Variants in FAM120B observed in about 807,000 individuals in gnomAD.
FAM120B encodes the protein constitutive coactivator of peroxisome proliferator-activated receptor gamma.
In FAM120B, 83 loss-of-function variants were observed where a neutral mutation model predicts 96.3. The observed-to-expected ratio is 0.86, with a 90% confidence interval of 0.72 to 1.03. The LOEUF (loss-of-function observed/expected upper bound fraction) is 1.03, where lower values mean the gene tolerates loss of function less well. Among genes scored for constraint, FAM120B ranks in the 50% least tolerant of loss-of-function variants. The pLI, the probability that FAM120B is intolerant of heterozygous loss-of-function variation, is 0.00. For missense variants in FAM120B, 1,027 were observed against 1,121.2 expected (o/e 0.92, Z 1.20); for synonymous variants, 407 against 402.7 (o/e 1.01, Z -0.13).
At position 170,295,964 on chromosome 6, in the gene FAM120B, G is replaced by C. The variant is rs932515471; in HGVS notation, c.48+511G>C. 4.0e-5 allele frequency among the ~76,000 whole-genome samples: 6 copies of C among 151,836 alleles called. No individual in the cohort carries two copies. The highest frequency in any genetic ancestry group is 6.9e-3 in the Middle Eastern group (2 of 290). On this transcript the variant is annotated intron_variant, in intron 1 of 10. Transcript: ENST00000537664. The surrounding 1 kb of genome is among the most constrained non-coding windows in gnomAD (Gnocchi z 7.8). ...GCGGCCCCGGCGCAGATGACGGCTCGGCAGCGGGCCCCCGCCCCCTCCTCT... is the reference window on the plus strand; with the variant it reads ...GCGGCCCCGGCGCAGATGACGGCTCCGCAGCGGGCCCCCGCCCCCTCCTCT...
intron 2 of FAM120B, among the ~76,000 whole-genome samples, chr6:170,321,789 G>C (rs1323478190): frequency 6.6e-6 from 1 of 152,116 alleles, no homozygotes; most frequent in Admixed American, 6.5e-5. Flanking sequence ...CCTGGGAGCC[G>C]GGCACGTTTT....
intron 1 of FAM120B, among the ~76,000 whole-genome samples, chr6:170,301,427 G>A (rs1374544788): frequency 6.6e-6 from 1 of 152,236 alleles, no homozygotes; most frequent in East Asian, 1.9e-4. Flanking sequence ...CCTGTAATGG[G>A]AGGGGCTGCC....
Position 170,335,307 on chromosome 6 carries a change from G to A in FAM120B, c.2017+4757G>A, listed in dbSNP as rs530171241. On this transcript the variant is annotated intron_variant, in intron 4 of 10. Transcript: ENST00000476287. ...CCACTTATGAGTGAGAACATGCGGT[G>A]TTTGGTTTTCTATTCTTGTGTTAGT... is the stretch of plus-strand genomic sequence containing the variant. Among the ~76,000 whole-genome samples, 5 of 152,068 alleles carry A rather than the reference G, an allele frequency of 3.3e-5. No homozygotes were observed. The South Asian group carries it at 1.0e-3, about 32-fold the overall frequency.
At chr6:170,369,279 G>A (rs750237575) in intron 6 of FAM120B, among the ~76,000 whole-genome samples, 4 of 152,206 alleles carry the variant, frequency 2.6e-5, no homozygotes, top group Non-Finnish European at 5.9e-5. Context: ...AGAGAGAAGA[G>A]AGGTTTGTGG....
intron 1 of FAM120B, among the ~76,000 whole-genome samples, chr6:170,297,310 T>C (rs1032922973): frequency 6.6e-6 from 1 of 152,068 alleles, no homozygotes; most frequent in Non-Finnish European, 1.5e-5. Flanking sequence ...GCGCCGTGCT[T>C]CCCCGCCGCC....
chr6:170,359,126 T>G (rs1386220480), intron 6 of FAM120B, among the ~76,000 whole-genome samples: 1 of 152,170 alleles, frequency 6.6e-6, no homozygotes, highest in African/African-American at 2.4e-5. Flanking sequence ...TTAGGCCGGG[T>G]GCAGTGGCTC....
Position 170,401,312 on chromosome 6 carries a change from G to A in FAM120B, c.2693-3238G>A, listed in dbSNP as rs181594992. Reference sequence around the variant, plus strand: ...GGGGCAGGCTGAGCTAAGCCTGAGGGGTCTCCAAGTGGCATTCAGCAGCTG... The same window carrying A: ...GGGGCAGGCTGAGCTAAGCCTGAGGAGTCTCCAAGTGGCATTCAGCAGCTG... On this transcript the variant is annotated intron_variant, in intron 9 of 10. Transcript: ENST00000476287. Among the ~76,000 whole-genome samples the A allele has an allele frequency of 1.2e-3, 187 of 152,286 alleles. 1 individual carries two copies. The highest frequency in any genetic ancestry group is 4.2e-3 in the African/African-American group (176 of 41,556).
chr6:170,314,877 T>C (rs1029311163), intron 1 of FAM120B, among the ~76,000 whole-genome samples: 3 of 152,226 alleles, frequency 2.0e-5, no homozygotes, highest in Admixed American at 6.5e-5. Context: ...GTAAGTAGTA[T>C]AGAAGAGCAC....
chr6:170,406,012 T>C lies in FAM120B; in HGVS notation c.*1261T>C, dbSNP rs1778790196. On this transcript the variant is annotated 3_prime_UTR_variant, in exon 11 of 11. Coordinates refer to ENST00000476287, the MANE Select transcript of FAM120B (RefSeq NM_032448.3). Reference sequence around the variant, plus strand: ...TCTCTGAGCATTGAAGGACTTTTGGTTAAAAAAAAAAATTAAGTTCAGAGT... The same window carrying C: ...TCTCTGAGCATTGAAGGACTTTTGGCTAAAAAAAAAAATTAAGTTCAGAGT... The C allele has an allele frequency of 7.1e-6, 1 of 141,622 alleles. No individual in the cohort carries two copies. The highest frequency in any genetic ancestry group is 1.6e-5 in the Non-Finnish European group (1 of 62,064). The allele number at this position is 141,622 out of a possible 1,614,324, so 8.8% of individuals were successfully genotyped here.
chr6:170,376,799 T>G lies in FAM120B; in HGVS notation c.2284-11488T>G, dbSNP rs956501955. Among the ~76,000 whole-genome samples the G allele has an allele frequency of 2.1e-4, 32 of 152,190 alleles. 1 individual carries two copies. Among genetic ancestry groups the G allele is most frequent in the Non-Finnish European group, 2.5e-4 (17 of 68,024 alleles). On this transcript the variant is annotated intron_variant, in intron 6 of 10. Coordinates refer to ENST00000476287, the MANE Select transcript of FAM120B (RefSeq NM_032448.3). ...ATGGAGAGGAAGGAGGAGCGCCTGC[T>G]TGGTAAGAAATAGAAGTCTGAGTGC...
chr6:170,404,567 C>T lies in FAM120B; in HGVS notation c.2710C>T (p.His904Tyr). The T allele has an allele frequency of 6.2e-7, 1 of 1,613,968 alleles. No homozygotes were observed. The highest frequency in any genetic ancestry group is 8.5e-7 in the Non-Finnish European group (1 of 1,179,882). ...DQGPGSRQYE[H>Y]DQWRRY is the part of the protein sequence containing the mutation. Reference sequence around the variant, plus strand: ...TACTGCAGGAAGCAGACAGTATGAGCATGACCAGTGGAGAAGGTACTAGTC... The same window carrying T: ...TACTGCAGGAAGCAGACAGTATGAGTATGACCAGTGGAGAAGGTACTAGTC... The change falls in exon 10 of 11, where the codon CAT (histidine) becomes TAT (tyrosine). Residue 904 changes from histidine (H) to tyrosine (Y), a missense_variant. Around this residue, in one of 3 missense-constraint regions of FAM120B, gnomAD observed 142 missense variants for 122.5 expected, o/e 1.16. Transcript: ENST00000476287.
At chr6:170,299,890 CATG>C (rs1187240788) in intron 1 of FAM120B, among the ~76,000 whole-genome samples, 1 of 152,238 alleles carries the variant, frequency 6.6e-6, no homozygotes, top group African/African-American at 2.4e-5. Flanking sequence ...TTCCTGACTG[CATG>C]ATGTCTGCAG....
chr6:170,334,596 G>GGT (rs1345760673), intron 4 of FAM120B, among the ~76,000 whole-genome samples: 1 of 151,632 alleles, frequency 6.6e-6, no homozygotes, highest in Non-Finnish European at 1.5e-5. Context: ...AAGGAAGCTG[G>GGT]GTGTGTGTGT....
rs1233730865 is a variant in FAM120B, at chr6:170,318,848, A to G, written c.1458A>G (p.Leu486=). Residue 486 remains leucine (L), a synonymous_variant, in exon 2 of 11, where the codon TTA becomes TTG. Coordinates refer to ENST00000476287, the MANE Select transcript of FAM120B (RefSeq NM_032448.3). ...GCCCTGAATCCAGGCAAGAAGTTTT[A>G]ATACGGACAGACCCTGAATCTAGGC... ...YTGPESRQEV[L]IRTDPESRQE... is the part of the protein sequence containing the mutation. 2 of 1,614,198 alleles carry G rather than the reference A, an allele frequency of 1.2e-6. No homozygotes were observed. Among genetic ancestry groups the G allele is most frequent in the Non-Finnish European group, 1.7e-6 (2 of 1,180,046 alleles).
intron 6 of FAM120B, among the ~76,000 whole-genome samples, chr6:170,384,536 T>C (rs767017232): frequency 2.0e-5 from 3 of 152,092 alleles, no homozygotes; most frequent in Non-Finnish European, 4.4e-5. Context: ...GAAATGGCCA[T>C]GAGAGGAAGA....
intron 6 of FAM120B, among the ~76,000 whole-genome samples, chr6:170,371,560 C>A (rs1248347892): frequency 6.6e-6 from 1 of 152,062 alleles, no homozygotes; most frequent in African/African-American, 2.4e-5. Flanking sequence ...TCAGGAGTTT[C>A]AAGAATTGTG....
upstream of FAM120B, among the ~76,000 whole-genome samples, chr6:170,291,892 C>T (rs1390524100): frequency 6.6e-6 from 1 of 152,224 alleles, no homozygotes; most frequent in Non-Finnish European, 1.5e-5. Flanking sequence ...GCCACCTTCC[C>T]CGGGTCTCGG....
chr6:170,386,269 T>G (rs1790180910), intron 6 of FAM120B, among the ~76,000 whole-genome samples: 2 of 152,184 alleles, frequency 1.3e-5, no homozygotes, highest in Non-Finnish European at 2.9e-5. Context: ...CCTAAAACTG[T>G]TCTAAAAACA....
chr6:170,364,691 C>G (rs1788662850), intron 6 of FAM120B, among the ~76,000 whole-genome samples: 1 of 152,200 alleles, frequency 6.6e-6, no homozygotes, highest in Non-Finnish European at 1.5e-5. Context: ...CAATTCTAGT[C>G]TCAAGAGCTG....
Sources: allele counts gnomAD v4.1 joint callset (sites outside exome capture counted in the v4.1 genomes callset), GRCh38; gene constraint gnomAD v4.1.1; regional missense constraint gnomAD v4.1.1; non-coding constraint Gnocchi (gnomAD v3.1); transcripts MANE v1.5; gene names NCBI Gene and HGNC (gene_info 2026-07-23, HGNC 2026-07-21).